Variants in LARGE1 observed in about 807,000 individuals in gnomAD.
LARGE1 encodes the protein LARGE xylosyl- and glucuronyltransferase 1.
A neutral mutation model predicts 87.6 loss-of-function variants in LARGE1; 43 were observed. The ratio of observed to expected loss-of-function variants is 0.49; its 90% CI spans 0.38 to 0.63. The LOEUF is 0.63. Ranked by LOEUF, LARGE1 falls within the 30% of genes least tolerant of loss-of-function variation. The pLI, the probability that LARGE1 is intolerant of heterozygous loss-of-function variation, is 0.00. For missense variants in LARGE1, 802 were observed against 1,000.2 expected (o/e 0.80, Z 2.67); for synonymous variants, 434 against 394.6 (o/e 1.10, Z -1.18).
At chr22:33,358,815 T>C (rs532726186) in intron 9 of LARGE1, among the ~76,000 whole-genome samples, 36 of 151,466 alleles carry the variant, frequency 2.4e-4, no homozygotes, top group Non-Finnish European at 3.8e-4. Context: ...TGAAAATCCA[T>C]CTCTACTTAA....
chr22:33,808,596 C>T (rs907071092), intron 1 of LARGE1, among the ~76,000 whole-genome samples: 12 of 152,210 alleles, frequency 7.9e-5, no homozygotes, highest in Admixed American at 5.9e-4. Context: ...ACGCTGGGAT[C>T]GTAAAGAAGA....
intron 6 of LARGE1, among the ~76,000 whole-genome samples, chr22:33,513,042 G>GA (rs71774822): frequency 0.04 from 6,115 of 152,164 alleles, 217 homozygotes; most frequent in African/African-American, 0.094. Context: ...GAGGATCCCA[G>GA]AGATGCAAAC....
intron 6 of LARGE1, among the ~76,000 whole-genome samples, chr22:33,519,248 G>GTA (rs5845090): frequency 1.3e-5 from 2 of 151,908 alleles, no homozygotes; most frequent in Non-Finnish European, 2.9e-5. Flanking sequence ...GTGTGTGTGT[G>GTA]TGTGTGTGTG....
chr22:33,114,844 C>A, the LARGE1 span, among the ~76,000 whole-genome samples: 4 of 152,156 alleles, frequency 2.6e-5, no homozygotes, highest in Admixed American at 6.5e-5. Context: ...AATCTTGTCA[C>A]ATAGGCTTGA....
At chr22:33,783,536 GCCTGGGCAA>G (rs1319847109) in intron 1 of LARGE1, among the ~76,000 whole-genome samples, 1 of 152,200 alleles carries the variant, frequency 6.6e-6, no homozygotes, top group Non-Finnish European at 1.5e-5. Flanking sequence ...TTTCACTCCA[GCCTGGGCAA>G]CAGAGCGAAA....
intron 1 of LARGE1, among the ~76,000 whole-genome samples, chr22:33,882,751 C>T (rs2064733399): frequency 6.6e-6 from 1 of 152,192 alleles, no homozygotes; most frequent in Non-Finnish European, 1.5e-5. Flanking sequence ...AGGTATGCAT[C>T]CCCTGCTTAC....
chr22:33,174,627 T>G (rs1922761938), intron 11 of LARGE1, among the ~76,000 whole-genome samples: 1 of 151,646 alleles, frequency 6.6e-6, no homozygotes, highest in Non-Finnish European at 1.5e-5. Flanking sequence ...GAGAGAAGAA[T>G]CAAATAGACA....
chr22:33,172,163 AATTTCTCCC>A (rs1168968792), intron 11 of LARGE1, among the ~76,000 whole-genome samples: 1 of 152,222 alleles, frequency 6.6e-6, no homozygotes, highest in African/African-American at 2.4e-5. Flanking sequence ...TGTTTTGGCC[AATTTCTCCC>A]ATTTAGAATG....
intron 7 of LARGE1, among the ~76,000 whole-genome samples, chr22:33,409,291 AAGG>A (rs3841772): frequency 0.26 from 39,031 of 151,888 alleles, 5,225 homozygotes; most frequent in African/African-American, 0.32. Context: ...CCTGAGACGG[AAGG>A]AGGAGGAGGA....
At chr22:33,725,633 C>G (rs1388322240) in intron 2 of LARGE1, 2 of 152,160 alleles carry the variant, frequency 1.3e-5, no homozygotes, top group African/African-American at 4.8e-5. Context: ...ACGTTCAAAG[C>G]CCCCTCGGAA....
intron 6 of LARGE1, among the ~76,000 whole-genome samples, chr22:33,554,251 C>A (rs2077611856): frequency 1.3e-5 from 2 of 152,086 alleles, no homozygotes; most frequent in African/African-American, 2.4e-5. Flanking sequence ...ATCCAATGAG[C>A]CCTGTGTTAG....
chr22:33,521,187 A>T (rs2071569457), intron 6 of LARGE1, among the ~76,000 whole-genome samples: 1 of 152,362 alleles, frequency 6.6e-6, no homozygotes, highest in Non-Finnish European at 1.5e-5. Context: ...TTTCTCCAAG[A>T]AGTAGCACAC....
rs150124475 is a variant in LARGE1, at chr22:33,650,957, A to G, written c.107-289T>C. Among the ~76,000 whole-genome samples the G allele has an allele frequency of 1.4e-3, 209 of 152,130 alleles. 1 individual carries two copies. Among genetic ancestry groups the G allele is most frequent in the African/African-American group, 4.8e-3 (198 of 41,508 alleles). ...CACTGTCTTCCTCTCCCTACTTGGC[A>G]TGTTTCTAAGTAGGCTTCTTAACAA... On this transcript the variant is annotated intron_variant, in intron 2 of 14. Coordinates refer to ENST00000397394, the MANE Select transcript of LARGE1 (RefSeq NM_133642.5).
Position 33,197,284 on chromosome 22 carries a change from G to A in LARGE1, c.1731-30452C>T, listed in dbSNP as rs111477328. On this transcript the variant is annotated intron_variant, in intron 11 of 11. Transcript: ENST00000608642. ...ATTCGATTTTGTATAAGAGGTTCCAGCAGTGCAGTAAGGCAAAGATACATA... is the reference window on the plus strand; with the variant it reads ...ATTCGATTTTGTATAAGAGGTTCCAACAGTGCAGTAAGGCAAAGATACATA... 1.6e-3 allele frequency among the ~76,000 whole-genome samples: 249 copies of A among 152,206 alleles called. 1 individual carries two copies. The highest frequency in any genetic ancestry group is 5.8e-3 in the African/African-American group (240 of 41,566).
At chr22:33,663,324 C>T (rs16992752) in intron 2 of LARGE1, among the ~76,000 whole-genome samples, 2,858 of 152,180 alleles carry the variant, frequency 0.019, 73 homozygotes, top group African/African-American at 0.057. Context: ...TTTTGACGGA[C>T]GGGTATTTTC....
At chr22:33,080,644 A>G in the LARGE1 span, among the ~76,000 whole-genome samples, 30 of 152,338 alleles carry the variant, frequency 2.0e-4, no homozygotes, top group Non-Finnish European at 1.2e-4. Context: ...AGCTCTAATG[A>G]CTAATATCAT....
chr22:33,769,185 G>A (rs867578514), intron 1 of LARGE1, among the ~76,000 whole-genome samples: 24 of 152,154 alleles, frequency 1.6e-4, no homozygotes, highest in African/African-American at 5.6e-4. Flanking sequence ...GGTTGGCTCT[G>A]ATGATGTGCC....
At chr22:33,283,902 A>G (rs182410504) in intron 12 of LARGE1, among the ~76,000 whole-genome samples, 439 of 152,200 alleles carry the variant, frequency 2.9e-3, no homozygotes, top group Non-Finnish European at 5.0e-3. Context: ...TAAAGAAAGA[A>G]AAAAGAAGGA....
At chr22:33,451,856 C>T (rs933308099) in intron 6 of LARGE1, among the ~76,000 whole-genome samples, 7 of 151,806 alleles carry the variant, frequency 4.6e-5, no homozygotes, top group South Asian at 2.1e-4. Context: ...CGCCCCCGGC[C>T]GGGAGTCTCT....
Sources: gnomAD v4.1 joint callset for allele counts (sites outside exome capture counted in the v4.1 genomes callset) on GRCh38, gnomAD v4.1.1 for gene constraint, MANE v1.5 for transcripts, NCBI Gene and HGNC (gene_info 2026-07-23, HGNC 2026-07-21) for gene names.